The following FRMPD4 variants were observed in gnomAD, a reference collection of about 807,000 sequenced individuals.
FRMPD4 encodes FERM and PDZ domain-containing protein 4.
A neutral mutation model predicts 94.1 loss-of-function variants in FRMPD4; 22 were observed. The observed-to-expected ratio is 0.23, with a 90% CI of 0.17 to 0.33. FRMPD4 has a LOEUF of 0.33. Ranked by LOEUF, FRMPD4 falls within the 10% of genes least tolerant of loss-of-function variation. The probability of loss-of-function intolerance (pLI) is 1.00; values close to 1 mark genes in which losing one functional copy is unlikely to be tolerated. For missense variants in FRMPD4, 1,111 were observed against 1,339.9 expected, an observed-to-expected ratio of 0.83 and a Z score of 2.67; for synonymous variants, 631 against 548.6, an observed-to-expected ratio of 1.15 and a Z score of -2.10.
chrX:12,372,170 T>C (rs2056171731), intron 1 of FRMPD4, among the ~76,000 whole-genome samples: 2 of 112,574 alleles, frequency 1.8e-5, no homozygotes, highest in Admixed American at 1.9e-4. Flanking sequence ...CCATCAGTGT[T>C]TCTTGATTTG....
chrX:12,239,609 C>T (rs1290216851), intron 1 of FRMPD4, among the ~76,000 whole-genome samples: 1 of 112,322 alleles, frequency 8.9e-6, no homozygotes, highest in Non-Finnish European at 1.9e-5. Flanking sequence ...GTCTAGGAAG[C>T]AGCTAAGTGT....
At chrX:12,014,638 G>A (rs185718832) in intron 3 of FRMPD4, among the ~76,000 whole-genome samples, 1 of 111,634 alleles carries the variant, frequency 9.0e-6, no homozygotes, top group Non-Finnish European at 1.9e-5. Context: ...GCTTCAAAGA[G>A]GAAGGAGCAA....
chrX:12,110,171 TA>T (rs1398076516), intron 3 of FRMPD4, among the ~76,000 whole-genome samples: 309 of 112,340 alleles, frequency 2.8e-3, no homozygotes, highest in Non-Finnish European at 4.3e-3. Flanking sequence ...AAATCCTCAA[TA>T]AAATACTGGC....
chrX:12,684,363 T>C (rs1276285628), intron 6 of FRMPD4, among the ~76,000 whole-genome samples: 2 of 112,389 alleles, frequency 1.8e-5, no homozygotes, highest in Admixed American at 9.4e-5. Flanking sequence ...ACCTATGATA[T>C]ATTCATTATT....
chrX:12,435,426 G>A (rs184821311), intron 1 of FRMPD4, among the ~76,000 whole-genome samples: 2 of 111,348 alleles, frequency 1.8e-5, no homozygotes, highest in East Asian at 2.8e-4. Flanking sequence ...GCTGACAGCA[G>A]ATACTTTTAG....
chrX:11,941,377 C>T (rs2054159089), intron 3 of FRMPD4, among the ~76,000 whole-genome samples: 1 of 111,481 alleles, frequency 9.0e-6, no homozygotes, highest in Non-Finnish European at 1.9e-5. Context: ...TGAGAAATCC[C>T]ATATGTTTAC....
intron 16 of FRMPD4, among the ~76,000 whole-genome samples, 183 bp downstream of exon 16, chrX:12,718,973 G>A (rs1435474858): frequency 1.8e-5 from 2 of 112,607 alleles, no homozygotes; most frequent in Non-Finnish European, 3.8e-5. Flanking sequence ...AGATTATAAA[G>A]GTGAAAATGG....
intron 3 of FRMPD4, among the ~76,000 whole-genome samples, chrX:11,909,550 A>AT (rs755601786): frequency 9.5e-6 from 1 of 105,269 alleles, no homozygotes; most frequent in Non-Finnish European, 2.0e-5. Flanking sequence ...CTCTTTATTC[A>AT]TTTTTTTTCC....
chrX:12,409,926 T>A (rs2056711261), intron 1 of FRMPD4, among the ~76,000 whole-genome samples: 1 of 112,037 alleles, frequency 8.9e-6, no homozygotes, highest in African/African-American at 3.2e-5. Flanking sequence ...TAAACATTTT[T>A]CTTCCCTTTT....
At chrX:11,965,736 A>G (rs1055038399) in intron 3 of FRMPD4, among the ~76,000 whole-genome samples, 5 of 112,045 alleles carry the variant, frequency 4.5e-5, no homozygotes, top group African/African-American at 1.6e-4. Flanking sequence ...CTCTCTCAGC[A>G]TCTTAAATTT....
chrX:12,663,918 A>T (rs2059746392), intron 4 of FRMPD4, among the ~76,000 whole-genome samples: 1 of 111,711 alleles, frequency 9.0e-6, no homozygotes, highest in Non-Finnish European at 1.9e-5. Flanking sequence ...GGTCCTTCAC[A>T]TCCCTTGTAA....
chrX:12,612,553 G>GT (rs2059193789), intron 3 of FRMPD4, among the ~76,000 whole-genome samples: 1 of 112,249 alleles, frequency 8.9e-6, no homozygotes, highest in Admixed American at 9.4e-5. Context: ...GTGTGCCACT[G>GT]TTTTGTATTT....
intron 3 of FRMPD4, among the ~76,000 whole-genome samples, chrX:11,895,986 A>G (rs1275648777): frequency 4.5e-5 from 5 of 112,288 alleles, no homozygotes; most frequent in Admixed American, 9.4e-5. Flanking sequence ...TTGGATGACT[A>G]TATAAGGGCT....
chrX:12,175,940 A>C (rs1027341862), intron 1 of FRMPD4, among the ~76,000 whole-genome samples: 9 of 112,499 alleles, frequency 8.0e-5, no homozygotes, highest in African/African-American at 1.9e-4. Flanking sequence ...GTATTTAAGA[A>C]TACAGATGCC....
chrX:12,558,963 G>C (rs1291743446), intron 2 of FRMPD4, among the ~76,000 whole-genome samples: 1 of 112,006 alleles, frequency 8.9e-6, no homozygotes, highest in Non-Finnish European at 1.9e-5. Flanking sequence ...TGATTTATAT[G>C]TGTTATGCTT....
intron 3 of FRMPD4, among the ~76,000 whole-genome samples, chrX:12,042,043 A>G (rs2054758744): frequency 9.0e-6 from 1 of 111,434 alleles, no homozygotes; most frequent in South Asian, 3.7e-4. Context: ...GTTCTTTAGT[A>G]TCTATTTCTT....
At chrX:12,076,358 A>ATG (rs1402600708) in intron 3 of FRMPD4, among the ~76,000 whole-genome samples, 24 of 83,573 alleles carry the variant, frequency 2.9e-4, no homozygotes, top group East Asian at 1.7e-3. Flanking sequence ...GTGTGTGTGT[A>ATG]TGTGTGTGTG....
At chrX:12,357,020 C>T (rs2055904314) in intron 1 of FRMPD4, among the ~76,000 whole-genome samples, 2 of 112,087 alleles carry the variant, frequency 1.8e-5, no homozygotes, top group Admixed American at 1.9e-4. Context: ...AAAATTCTTC[C>T]AGAAAGCTCT....
Position 11,878,687 on chromosome X carries a change from C to T in FRMPD4, c.95+669C>T, listed in dbSNP as rs753385598. Among the ~76,000 whole-genome samples the T allele has an allele frequency of 6.2e-5, 7 of 112,190 alleles. No individual in the cohort carries two copies. The East Asian group carries it at 1.9e-3, about 31-fold the overall frequency. On this transcript the variant is annotated intron_variant, in intron 3 of 18. Coordinates refer to the FRMPD4 transcript ENST00000640291. The stretch of plus-strand genomic sequence containing the variant: ...TAATTCTTTTCTTGGGGTTGTCTAG[C>T]TTTCAAATACGAGAAATTCATCAGT...
Sources: gnomAD v4.1 joint callset for allele counts (sites outside exome capture counted in the v4.1 genomes callset) on GRCh38, gnomAD v4.1.1 for gene constraint, MANE v1.5 for transcripts, NCBI Gene and HGNC (gene_info 2026-07-23, HGNC 2026-07-21) for gene names.